HHAT: variants seen among roughly 807,000 people sequenced by gnomAD.
The protein encoded by HHAT is hedgehog acyltransferase, also known as protein-cysteine N-palmitoyltransferase HHAT.
HHAT carries 47 observed loss-of-function variants against 70.8 expected under a neutral mutation model. The observed-to-expected ratio is 0.66, with a 90% CI of 0.53 to 0.85. HHAT has a LOEUF of 0.85. Ranked by LOEUF, HHAT falls within the 40% of genes least tolerant of loss-of-function variation. The pLI, the probability that HHAT is intolerant of heterozygous loss-of-function variation, is 0.00. For synonymous variants in HHAT, 228 were observed against 247.6 expected (o/e 0.92, Z 0.74); for missense variants, 609 against 604.8 (o/e 1.01, Z -0.07).
rs562934003 is a variant in HHAT, at chr1:210,378,914, A to C, written c.160-8554A>C. ...ATAAAGCTGGAGCTGGATTCCAATC[A>C]GAGGAGACATTTCTTCCGTAGTATG... On this transcript the variant is annotated intron_variant, in intron 3 of 11. Transcript: ENST00000261458. Among the ~76,000 whole-genome samples the C allele has an allele frequency of 1.1e-4, 17 of 152,366 alleles. No individual in the cohort carries two copies. The East Asian group carries it at 2.7e-3, about 24-fold the overall frequency.
intron 2 of HHAT, among the ~76,000 whole-genome samples, chr1:210,361,626 C>G (rs1007671568): frequency 6.6e-6 from 1 of 151,994 alleles, no homozygotes; most frequent in African/African-American, 2.4e-5. Flanking sequence ...AGTGACAGCA[C>G]TCTCTCCTGG....
At chr1:210,552,314 C>T (rs748475914) in intron 9 of HHAT, among the ~76,000 whole-genome samples, 87 of 152,268 alleles carry the variant, frequency 5.7e-4, no homozygotes, top group Middle Eastern at 3.4e-3. Flanking sequence ...ATAATCAGTG[C>T]TTTGCTTGTT....
chr1:210,663,821 C>G (rs1353187827), intron 11 of HHAT, among the ~76,000 whole-genome samples: 1 of 152,204 alleles, frequency 6.6e-6, no homozygotes, highest in East Asian at 1.9e-4. Context: ...TGCGTTTCAG[C>G]CTGTCCTCCA....
chr1:210,531,322 A>C (rs1018280806), intron 9 of HHAT, among the ~76,000 whole-genome samples: 1 of 152,238 alleles, frequency 6.6e-6, no homozygotes, highest in African/African-American at 2.4e-5. Flanking sequence ...GTTATAGAAC[A>C]GTCTGTATTT....
chr1:210,527,611 G>A (rs758724393), intron 9 of HHAT, among the ~76,000 whole-genome samples: 10 of 152,032 alleles, frequency 6.6e-5, no homozygotes, highest in African/African-American at 9.7e-5. Flanking sequence ...AATAAATAAG[G>A]GAAATGAGTG....
At chr1:210,364,071 C>T (rs2088643832) in intron 3 of HHAT, among the ~76,000 whole-genome samples, 1 of 152,224 alleles carries the variant, frequency 6.6e-6, no homozygotes, top group African/African-American at 2.4e-5. Context: ...ATGTAAGATA[C>T]AAGGCCCATG....
chr1:210,544,615 C>T (rs12139453), intron 9 of HHAT, among the ~76,000 whole-genome samples: 15 of 151,862 alleles, frequency 9.9e-5, no homozygotes, highest in Non-Finnish European at 1.9e-4. Flanking sequence ...TCAGGTGATC[C>T]GCCCTCCTCA....
chr1:210,348,454 G>T (rs2086709072), intron 1 of HHAT, among the ~76,000 whole-genome samples: 4 of 152,036 alleles, frequency 2.6e-5, no homozygotes, highest in Admixed American at 2.0e-4. Flanking sequence ...TTGATTTAGA[G>T]GTTTGTATAC....
At chr1:210,626,041 T>C (rs1001310318) in intron 11 of HHAT, among the ~76,000 whole-genome samples, 3 of 152,040 alleles carry the variant, frequency 2.0e-5, no homozygotes, top group Non-Finnish European at 4.4e-5. Context: ...GTTGGAAATA[T>C]GAGTTGGAGA....
chr1:210,547,865 C>T (rs1238600876), intron 9 of HHAT, among the ~76,000 whole-genome samples: 1 of 152,132 alleles, frequency 6.6e-6, no homozygotes, highest in Non-Finnish European at 1.5e-5. Context: ...GTTACCCCAG[C>T]CAGGTGGACA....
chr1:210,532,220 C>T (rs143396364), intron 9 of HHAT, among the ~76,000 whole-genome samples: 1 of 152,124 alleles, frequency 6.6e-6, no homozygotes, highest in Admixed American at 6.5e-5. Context: ...ACATTTTAAT[C>T]AATTTTTAAG....
chr1:210,587,759 C>T (rs775767939), intron 9 of HHAT, 139 bp from the exon 10 acceptor site: 21 of 682,206 alleles, frequency 3.1e-5, no homozygotes, highest in Non-Finnish European at 4.5e-5. Context: ...ATGGAGAATC[C>T]AAGGAATCTG....
chr1:210,624,668 TG>T (rs1669496158), intron 11 of HHAT, among the ~76,000 whole-genome samples: 1 of 152,238 alleles, frequency 6.6e-6, no homozygotes, highest in African/African-American at 2.4e-5. Context: ...ATGTGGGAGT[TG>T]TCAAAACATT....
chr1:210,486,619 T>C (rs1343126410), intron 8 of HHAT, among the ~76,000 whole-genome samples: 2 of 152,184 alleles, frequency 1.3e-5, no homozygotes, highest in Non-Finnish European at 2.9e-5. Context: ...GTGTTTCCTA[T>C]ACGTCAGGCT....
intron 8 of HHAT, among the ~76,000 whole-genome samples, chr1:210,473,476 A>G (rs1260488225): frequency 1.3e-5 from 2 of 151,992 alleles, no homozygotes; most frequent in Non-Finnish European, 2.9e-5. Flanking sequence ...TTTTCAGTTT[A>G]CAGCACCGAG....
At chr1:210,635,193 G>A (rs56848015) in intron 11 of HHAT, among the ~76,000 whole-genome samples, 2,000 of 152,284 alleles carry the variant, frequency 0.013, 46 homozygotes, top group African/African-American at 0.043. Context: ...AGACTCGGGG[G>A]ATGGGGCACA....
chr1:210,659,329 A>T (rs564199653), intron 11 of HHAT, among the ~76,000 whole-genome samples: 1 of 152,338 alleles, frequency 6.6e-6, no homozygotes, highest in East Asian at 1.9e-4. Context: ...TAAACTAGAA[A>T]ATCTAGAAGA....
At chr1:210,635,962 A>C (rs1163001221) in intron 11 of HHAT, among the ~76,000 whole-genome samples, 2 of 152,246 alleles carry the variant, frequency 1.3e-5, no homozygotes, top group Admixed American at 6.5e-5. Context: ...TGTTCTCTGC[A>C]GATATTTTAC....
At chr1:210,593,742 A>G (rs1487389523) in intron 10 of HHAT, among the ~76,000 whole-genome samples, 1 of 152,070 alleles carries the variant, frequency 6.6e-6, no homozygotes, top group African/African-American at 2.4e-5. Flanking sequence ...TTCTGTTTGG[A>G]TGATCTAATT....
Sources: allele counts gnomAD v4.1 joint callset (sites outside exome capture counted in the v4.1 genomes callset), GRCh38; gene constraint gnomAD v4.1.1; transcripts MANE v1.5; gene names NCBI Gene and HGNC (gene_info 2026-07-23, HGNC 2026-07-21).